The following POLQ variants were observed in gnomAD, a reference collection of about 807,000 sequenced individuals.
POLQ encodes the protein epididymis secretory sperm binding protein.
Under a neutral mutation model 259.2 loss-of-function variants are expected in POLQ, and 233 were observed. That is an observed-to-expected ratio of 0.90 (90% CI 0.81 to 1.00). The LOEUF (loss-of-function observed/expected upper bound fraction) is 1.00, where lower values mean the gene tolerates loss of function less well. Ranked by LOEUF, POLQ falls within the 50% of genes least tolerant of loss-of-function variation. POLQ has a pLI of 0.00. For synonymous variants in POLQ, 1,025 were observed against 1,048.8 expected (o/e 0.98, Z 0.44); for missense variants, 2,871 against 3,051.6 (o/e 0.94, Z 1.39).
intron 25 of POLQ, among the ~76,000 whole-genome samples, chr3:121,450,784 G>A (rs1329043590): frequency 7.2e-5 from 11 of 152,092 alleles, no homozygotes; most frequent in East Asian, 1.9e-4. Flanking sequence ...TGCTCTTCTC[G>A]AGGAGTATCT....
intron 16 of POLQ, among the ~76,000 whole-genome samples, chr3:121,486,759 A>G (rs2048014824): frequency 6.6e-6 from 1 of 152,056 alleles, no homozygotes; most frequent in East Asian, 1.9e-4. Context: ...GCTACTTGGG[A>G]GGCTGAGGCA....
At chr3:121,451,521 G>C (rs184527806) in intron 25 of POLQ, among the ~76,000 whole-genome samples, 17 of 152,286 alleles carry the variant, frequency 1.1e-4, no homozygotes, top group Admixed American at 3.3e-4. Flanking sequence ...GGACCCTCAG[G>C]TGCAGGTCTG....
chr3:121,459,940 T>A, intron 25 of POLQ, 110 bp downstream of exon 25: 1 of 820,224 alleles, frequency 1.2e-6, no homozygotes, highest in Admixed American at 2.1e-5. Flanking sequence ...CTTTGAAAGA[T>A]CCAAAGTTGG....
rs766649253 is a variant in POLQ, at chr3:121,488,069, G to A, written c.4862C>T (p.Thr1621Ile). Residue 1621 changes from threonine to isoleucine, a missense_variant, in exon 16 of 30, where the codon ACT (threonine) becomes ATT (isoleucine). By Grantham distance (89) the Thr-to-Ile change is moderately conservative. Coordinates refer to ENST00000264233, the MANE Select transcript of POLQ (RefSeq NM_199420.4). Reference protein sequence around the residue: ...QDERAEKSKLTGTRQNHSFIW... With the variant: ...QDERAEKSKLIGTRQNHSFIW... ...GAATGAATGATTTTGCCTGGTCCCA[G>A]TTAATTTTGATTTTTCAGCCCTTTC... 1 of 1,614,040 alleles carries A rather than the reference G, an allele frequency of 6.2e-7. No homozygotes were observed. Among genetic ancestry groups the A allele is most frequent in the Non-Finnish European group, 8.5e-7 (1 of 1,179,970 alleles).
At chr3:121,433,523 C>T (rs2108771221) in intron 28 of POLQ, among the ~76,000 whole-genome samples, 1 of 152,286 alleles carries the variant, frequency 6.6e-6, no homozygotes, top group South Asian at 2.1e-4. Flanking sequence ...GTACACACTC[C>T]AAACAAGTAA....
chr3:121,510,083 T>G lies in POLQ; in HGVS notation c.1772A>C (p.Glu591Ala), dbSNP rs1487604234. The G allele has an allele frequency of 8.7e-6, 14 of 1,614,178 alleles. No individual in the cohort carries two copies. The highest frequency in any genetic ancestry group is 1.2e-5 in the Non-Finnish European group (14 of 1,179,996). ...TTCTGTACTCTGGATGAATTCATTT[T>G]CTAGTAGCCACATCACACAGGCCTC... The part of the protein sequence containing the change: ...AIEACVMWLL[E>A]NEFIQSTEAS... The change falls in exon 11 of 30, where the codon GAA (glutamate) becomes GCA (alanine). Residue 591 changes from glutamate to alanine, a missense_variant. Physicochemically the swap from Glu to Ala is moderately radical, Grantham distance 107. Around this residue, in one of 3 missense-constraint regions of POLQ, gnomAD observed 783 missense variants for 906.2 expected, o/e 0.86. Coordinates refer to ENST00000264233, the MANE Select transcript of POLQ (RefSeq NM_199420.4).
chr3:121,498,374 T>A, intron 13 of POLQ, 103 bp downstream of exon 13: 1 of 745,346 alleles, frequency 1.3e-6, no homozygotes, highest in Non-Finnish European at 2.1e-6. Context: ...TCTGCCAAAA[T>A]TTTGATTTTA....
At chr3:121,466,889 T>C (rs1333247473) in intron 24 of POLQ, among the ~76,000 whole-genome samples, 2 of 152,210 alleles carry the variant, frequency 1.3e-5, no homozygotes, top group Non-Finnish European at 2.9e-5. Flanking sequence ...AGATGGTTAA[T>C]TGTACTCACT....
At chr3:121,500,097 A>G (rs1380461181) in intron 12 of POLQ, among the ~76,000 whole-genome samples, 1 of 152,088 alleles carries the variant, frequency 6.6e-6, no homozygotes, top group African/African-American at 2.4e-5. Context: ...CATGGGCAAC[A>G]TGGTGAAACA....
At chr3:121,478,733 C>A (rs976821019) in intron 19 of POLQ, among the ~76,000 whole-genome samples, 3 of 151,984 alleles carry the variant, frequency 2.0e-5, no homozygotes, top group African/African-American at 7.3e-5. Context: ...TTGCCATATT[C>A]ATATAAGAAA....
rs2048421534 is a variant in POLQ at position 121,532,889 on chromosome 3, G to A, written c.960+101C>T. On this transcript the variant is annotated intron_variant, in intron 6 of 29. Transcript: ENST00000264233. ...GCTTAATATTAATCCTAATGTATAT[G>A]TAACTCCCAATTACATCATTCAGAA... is the stretch of plus-strand genomic sequence containing the variant. 5.2e-6 allele frequency: 4 copies of A among 768,998 alleles called. No homozygotes were observed. The East Asian group carries it at 1.0e-4, about 19-fold the overall frequency. 47.6% of individuals were successfully genotyped at this position (768,998 alleles called of 1,614,324 possible). A position where few individuals can be genotyped will look rare whatever the true frequency, so the allele number is the denominator to read the frequency against.
intron 9 of POLQ, among the ~76,000 whole-genome samples, chr3:121,515,832 A>G (rs2048290728): frequency 6.6e-6 from 1 of 152,158 alleles, no homozygotes; most frequent in Admixed American, 6.6e-5. Context: ...AATGAACCCT[A>G]AAGAAATGAA....
intron 14 of POLQ, chr3:121,494,789 G>C: frequency 6.7e-7 from 1 of 1,491,148 alleles, no homozygotes. Context: ...CAATTACAAC[G>C]ACAGATAGGA....
chr3:121,487,490 T>G lies in POLQ; in HGVS notation c.5441A>C (p.Gln1814Pro). The change falls in exon 16 of 30, where the codon CAG (glutamine) becomes CCG (proline). Residue 1814 changes from glutamine (Q) to proline (P), a missense_variant. Physicochemically the swap from Gln to Pro is moderately conservative, Grantham distance 76 (BLOSUM62 -1). Transcript: ENST00000264233. ...TGAACTGCTTGAGGCTGGAGTTAACTGTAATCCATCCTGTGATAACTGAAG... is the reference window on the plus strand; with the variant it reads ...TGAACTGCTTGAGGCTGGAGTTAACGGTAATCCATCCTGTGATAACTGAAG... ...FSLQLSQDGL[Q>P]LTPASSSSES... 4 of 1,614,146 alleles carry G rather than the reference T, an allele frequency of 2.5e-6. No homozygotes were observed. The highest frequency in any genetic ancestry group is 3.4e-6 in the Non-Finnish European group (4 of 1,180,004).
chr3:121,447,438 C>T (rs1190861587), intron 26 of POLQ, among the ~76,000 whole-genome samples: 2 of 152,126 alleles, frequency 1.3e-5, no homozygotes, highest in Non-Finnish European at 2.9e-5. Flanking sequence ...GCTGGGATTA[C>T]AGGTGTGACC....
chr3:121,442,641 G>A (rs1408749110), intron 26 of POLQ, among the ~76,000 whole-genome samples: 2 of 152,140 alleles, frequency 1.3e-5, no homozygotes, highest in African/African-American at 2.4e-5. Flanking sequence ...TTCTATGGCT[G>A]GATAGTACTC....
At chr3:121,472,469 T>C (rs1325873115) in intron 21 of POLQ, among the ~76,000 whole-genome samples, 1 of 152,242 alleles carries the variant, frequency 6.6e-6, no homozygotes, top group Non-Finnish European at 1.5e-5. Flanking sequence ...TTTTACACCA[T>C]CTGTTTTCTT....
chr3:121,512,511 T>A (rs1475584181), intron 9 of POLQ, among the ~76,000 whole-genome samples: 1 of 152,252 alleles, frequency 6.6e-6, no homozygotes, highest in African/African-American at 2.4e-5. Flanking sequence ...GAAGCCCAGA[T>A]ACCTTTTCCT....
At chr3:121,506,013 A>G (rs1174943012) in intron 12 of POLQ, among the ~76,000 whole-genome samples, 1 of 131,210 alleles carries the variant, frequency 7.6e-6, no homozygotes, top group Non-Finnish European at 1.7e-5. Context: ...CAAGAGCGAA[A>G]CTCCATCTCA....
Sources: gnomAD v4.1 joint callset for allele counts (sites outside exome capture counted in the v4.1 genomes callset) on GRCh38, gnomAD v4.1.1 for gene constraint, gnomAD v4.1.1 regional missense constraint, MANE v1.5 for transcripts, NCBI Gene and HGNC (gene_info 2026-07-23, HGNC 2026-07-21) for gene names.